ZNF701: variants seen among roughly 807,000 people sequenced by gnomAD.
The protein encoded by ZNF701 is zinc finger protein 701.
A neutral mutation model predicts 7.1 loss-of-function variants in ZNF701; 6 were observed. That is an observed-to-expected ratio of 0.84 (90% CI 0.46 to 1.66). ZNF701 has a LOEUF of 1.66. Ranked by LOEUF, ZNF701 falls within the 40% of genes most tolerant of loss-of-function variation. The pLI is 0.01. For synonymous variants in ZNF701, 166 were observed against 188.2 expected, an observed-to-expected ratio of 0.88 and a Z score of 0.97; for missense variants, 541 against 559.2, an observed-to-expected ratio of 0.97 and a Z score of 0.33.
In ZNF701 at chr19:52,582,812, C is replaced by A; in HGVS notation, c.753C>A (p.Asp251Glu). Reference sequence around the variant, plus strand: ...ATAAATGTGATGTATGCGGCAAGGACTTTCATCAGAAGCGATACCTTGCAT... The same window carrying A: ...ATAAATGTGATGTATGCGGCAAGGAATTTCATCAGAAGCGATACCTTGCAT... ...KQYKCDVCGK[D>E]FHQKRYLACH... Residue 251 changes from aspartate to glutamate, a missense_variant, in exon 4 of 4, where the codon GAC (aspartate) becomes GAA (glutamate). By Grantham distance (45) the Asp-to-Glu change is conservative (BLOSUM62 2). Transcript: ENST00000391785. 6.2e-7 allele frequency: 1 copy of A among 1,614,160 alleles called. No homozygotes were observed. Among genetic ancestry groups the A allele is most frequent in the Non-Finnish European group, 8.5e-7 (1 of 1,180,030 alleles).
chr19:52,597,945 C>T, the ZNF701 span: 1 of 155,098 alleles, frequency 6.4e-6, no homozygotes. Context: ...CCTAATATCA[C>T]AGGGATGCCT....
intron 3 of ZNF701, among the ~76,000 whole-genome samples, chr19:52,579,548 T>G (rs1345585643): frequency 7.4e-6 from 1 of 134,808 alleles, no homozygotes; most frequent in African/African-American, 3.4e-5. Flanking sequence ...AAAAAAAATC[T>G]TAAAGTTATA....
rs1267955013 is a variant in ZNF701, at chr19:52,574,068, A to G, written c.-71-9A>G. On this transcript the variant is annotated splice_polypyrimidine_tract_variant and intron_variant, in intron 1 of 3. Transcript: ENST00000391785. ...TCTGAGCAGTAAACAACATATTTCT[A>G]ACATTCAGGATTGACTTCTAAAGAC... The G allele has an allele frequency of 6.2e-7, 1 of 1,610,008 alleles. No homozygotes were observed.
the ZNF701 span, among the ~76,000 whole-genome samples, chr19:52,595,043 A>G: frequency 0.44 from 65,898 of 151,274 alleles, 14,293 homozygotes; most frequent in Middle Eastern, 0.47. Context: ...GTGCAATGGC[A>G]TGATCTCCAC....
chr19:52,597,895 A>G, the ZNF701 span: 1 of 162,604 alleles, frequency 6.1e-6, no homozygotes, highest in African/African-American at 2.4e-5. Context: ...TTCTCCGGGT[A>G]CTAATTGGTG....
chr19:52,596,424 G>C, the ZNF701 span: 1 of 391,500 alleles, frequency 2.6e-6, no homozygotes, highest in Non-Finnish European at 5.1e-6. Context: ...GAAACACACA[G>C]GAGAATTCAT....
downstream of ZNF701, among the ~76,000 whole-genome samples, chr19:52,590,628 T>A (rs1399676940): frequency 6.6e-6 from 1 of 152,198 alleles, no homozygotes; most frequent in African/African-American, 2.4e-5. Flanking sequence ...GGTCTCACTG[T>A]GTCCCTCAGG....
rs549182086 is a variant in ZNF701, at chr19:52,575,906, A to T, written c.27A>T (p.Thr9=). 4.6e-6 allele frequency: 7 copies of T among 1,532,032 alleles called. No homozygotes were observed. The African/African-American group carries it at 1.0e-4, about 22-fold the overall frequency. 94.9% of individuals were successfully genotyped at this position (1,532,032 alleles called of 1,614,324 possible). A position where few individuals can be genotyped will look rare whatever the true frequency, so the allele number is the denominator to read the frequency against. The change falls in exon 3 of 4, where the codon ACA becomes ACT. Residue 9 remains threonine (T), a synonymous_variant. Transcript: ENST00000391785. MALLQGLL[T]FRDVAIEFSQ... The stretch of plus-strand genomic sequence containing the variant: ...TGTTTTCCTTTCAGGGTCTACTGAC[A>T]TTCAGGGATGTGGCCATAGAATTCT...
At chr19:52,588,121 G>A (rs981363344), downstream of ZNF701, among the ~76,000 whole-genome samples, 1 of 152,140 alleles carries the variant, frequency 6.6e-6, no homozygotes, top group African/African-American at 2.4e-5. Context: ...GGCAGCAGAG[G>A]ACCATCTTTG....
At chr19:52,598,823 T>A in the ZNF701 span, 1 of 151,984 alleles carries the variant, frequency 6.6e-6, no homozygotes, top group Non-Finnish European at 1.5e-5. Context: ...GGTGGGAGGA[T>A]CACTTGAGCC....
At chr19:52,581,412 G>T (rs756074176) in intron 3 of ZNF701, among the ~76,000 whole-genome samples, 12 of 151,906 alleles carry the variant, frequency 7.9e-5, no homozygotes, top group South Asian at 2.1e-4. Context: ...TAGAGAAGAG[G>T]TTTTGCCATG....
chr19:52,598,469 G>A, the ZNF701 span, among the ~76,000 whole-genome samples: 15 of 152,142 alleles, frequency 9.9e-5, no homozygotes, highest in Admixed American at 4.6e-4. Context: ...GGAGTGGCGC[G>A]CTGGTTGCCG....
chr19:52,583,066 G>C lies in ZNF701; in HGVS notation c.1007G>C (p.Ser336Thr). 6.2e-7 allele frequency: 1 copy of C among 1,612,904 alleles called. No individual in the cohort carries two copies. Among genetic ancestry groups the C allele is most frequent in the Non-Finnish European group, 8.5e-7 (1 of 1,179,752 alleles). The change falls in exon 4 of 4, where the codon AGT becomes ACT. Residue 336 changes from serine to threonine, a missense_variant. Coordinates refer to ENST00000391785, the MANE Select transcript of ZNF701 (RefSeq NM_018260.3). ...TGTGAAGAATGTGACAAAGTTTTCA[G>C]TCGCAAATCACACCTTGAAAGACAT... ...YKCEECDKVF[S>T]RKSHLERHRR...
At position 52,580,842 on chromosome 19, in the gene ZNF701, T is replaced by C. The variant is rs578140084; in HGVS notation, c.143-1360T>C. 2.0e-5 allele frequency among the ~76,000 whole-genome samples: 3 copies of C among 152,166 alleles called. No individual in the cohort carries two copies. In the East Asian group the frequency reaches 5.8e-4, roughly 30 times the overall value. ...TCCACTCGTTACTGTCACAAAGTGC[T>C]GCTGGGCACAGTGGCTCATGCCTGT... On this transcript the variant is annotated intron_variant, in intron 3 of 3. Coordinates refer to ENST00000391785, the MANE Select transcript of ZNF701 (RefSeq NM_018260.3).
In ZNF701 at chr19:52,583,580, C is replaced by G; in HGVS notation, c.*123C>G. On this transcript the variant is annotated 3_prime_UTR_variant, in exon 4 of 4. Transcript: ENST00000391785. ...CAAAAGTTTTCAATTTCAAATCACT[C>G]CTTGAAATACATAGGAGAGTTCATA... The G allele has an allele frequency of 1.4e-6, 2 of 1,445,262 alleles. No homozygotes were observed. Among genetic ancestry groups the G allele is most frequent in the East Asian group, 4.5e-5 (2 of 44,018 alleles). The allele number at this position is 1,445,262 out of a possible 1,614,324, so 89.5% of individuals were successfully genotyped here.
rs1014091342 is a variant in ZNF701 at position 52,586,030 on chromosome 19, T to TTTTTTG, written c.*2591_*2596dup. ...CCCTAGACCCAGGACCCATGTGGTTTTTTTTGTTTTTGTTTTTGTTTTTTT... is the reference window on the plus strand; with the variant it reads ...CCCTAGACCCAGGACCCATGTGGTTTTTTTTGTTTTTGTTTTTGTTTTTGTTTTTTT... On this transcript the variant is annotated 3_prime_UTR_variant, in exon 4 of 4. Transcript: ENST00000391785. 2 of 152,188 alleles carry TTTTTTG rather than the reference T, an allele frequency of 1.3e-5. No homozygotes were observed. The highest frequency in any genetic ancestry group is 1.5e-5 in the Non-Finnish European group (1 of 68,262). 9.4% of individuals were successfully genotyped at this position (152,188 alleles called of 1,614,324 possible). A position where few individuals can be genotyped will look rare whatever the true frequency, so the allele number is the denominator to read the frequency against.
chr19:52,582,701 T>C lies in ZNF701; in HGVS notation c.642T>C (p.Ser214=). 6.2e-7 allele frequency: 1 copy of C among 1,614,146 alleles called. No individual in the cohort carries two copies. The highest frequency in any genetic ancestry group is 8.5e-7 in the Non-Finnish European group (1 of 1,180,012). The change falls in exon 4 of 4, where the codon TCT becomes TCC. Residue 214 remains serine (S), a synonymous_variant. Coordinates refer to ENST00000391785, the MANE Select transcript of ZNF701 (RefSeq NM_018260.3). ...QKREVHTREK[S]FQRNESGKAF... ...GGGAAGTACACACAAGAGAAAAATC[T>C]TTCCAACGTAATGAGAGTGGCAAAG...
At chr19:52,592,149 G>T, downstream of ZNF701, 1 of 1,462,936 alleles carries the variant, frequency 6.8e-7, no homozygotes, top group South Asian at 1.2e-5. Flanking sequence ...CTTTGGAGGA[G>T]TGGAAATGCC....
At chr19:52,577,669 G>A (rs1307395682) in intron 3 of ZNF701, among the ~76,000 whole-genome samples, 4 of 152,000 alleles carry the variant, frequency 2.6e-5, no homozygotes, top group East Asian at 1.9e-4. Flanking sequence ...TTGGTCAAGC[G>A]GTAACACCAG....
Sources: allele counts gnomAD v4.1 joint callset (sites outside exome capture counted in the v4.1 genomes callset), GRCh38; gene constraint gnomAD v4.1.1; transcripts MANE v1.5; gene names NCBI Gene and HGNC (gene_info 2026-07-23, HGNC 2026-07-21).